The following ELAVL3 variants were observed in gnomAD, a reference collection of about 807,000 sequenced individuals.
The protein encoded by ELAVL3 is ELAV-like protein 3.
A neutral mutation model predicts 34.2 loss-of-function variants in ELAVL3; 8 were observed. The ratio of observed to expected loss-of-function variants is 0.23; its 90% CI spans 0.14 to 0.42. The LOEUF (loss-of-function observed/expected upper bound fraction) is 0.42, where lower values mean the gene tolerates loss of function less well. Ranked by LOEUF, ELAVL3 falls within the 10% of genes least tolerant of loss-of-function variation. The pLI, the probability that ELAVL3 is intolerant of heterozygous loss-of-function variation, is 1.00. For synonymous variants in ELAVL3, 209 were observed against 222.1 expected (o/e 0.94, Z 0.53); for missense variants, 273 against 518.8 (o/e 0.53, Z 4.60).
rs754879241 is a variant in ELAVL3 at position 11,453,192 on chromosome 19, T to TGGG, written c.*1331_*1333dup. 5.6e-5 allele frequency: 5 copies of TGGG among 89,934 alleles called. No homozygotes were observed. The highest frequency in any genetic ancestry group is 2.1e-4 in the Admixed American group (2 of 9,486). The allele number at this position is 89,934 out of a possible 1,614,324, so 5.6% of individuals were successfully genotyped here. A position where few individuals can be genotyped will look rare whatever the true frequency, so the allele number is the denominator to read the frequency against. Reference sequence around the variant, plus strand: ...GGGTGTCCTTTGGCCTCAAGTGTTGTGGGGGGGGGGGCTGCCTCCAGCCCA... The same window carrying TGGG: ...GGGTGTCCTTTGGCCTCAAGTGTTGTGGGGGGGGGGGGGGCTGCCTCCAGCCCA... On this transcript the variant is annotated 3_prime_UTR_variant, in exon 7 of 7. Transcript: ENST00000359227.
chr19:11,469,548 G>A (rs896951740), intron 1 of ELAVL3, among the ~76,000 whole-genome samples: 1 of 152,058 alleles, frequency 6.6e-6, no homozygotes. Flanking sequence ...CCAAAGTGCT[G>A]GGATTACAGG....
At chr19:11,465,214 A>ACACACCACACACATACACACCG (rs1401821989) in intron 3 of ELAVL3, among the ~76,000 whole-genome samples, 1 of 137,590 alleles carries the variant, frequency 7.3e-6, no homozygotes, top group South Asian at 2.4e-4. Context: ...ACACATACAC[A>ACACACCACACACATACACACCG]CACACCACAC....
chr19:11,476,095 C>T (rs1971257627), intron 1 of ELAVL3, among the ~76,000 whole-genome samples: 1 of 152,198 alleles, frequency 6.6e-6, no homozygotes, highest in Admixed American at 6.5e-5. Context: ...CAGTAACATG[C>T]ACTGCACAGC....
Position 11,480,721 on chromosome 19 carries a change from G to A in ELAVL3, c.-113C>T, listed in dbSNP as rs116628351. 3.7e-6 allele frequency: 4 copies of A among 1,067,206 alleles called. No individual in the cohort carries two copies. The highest frequency in any genetic ancestry group is 3.2e-5 in the Admixed American group (1 of 31,104). The allele number at this position is 1,067,206 out of a possible 1,614,324, so 66.1% of individuals were successfully genotyped here. ...GTCCCGCCCGGGCGGCCTCTGGTGC[G>A]GCCGCTGCAGATGTGGCGATGAAGG... On this transcript the variant is annotated 5_prime_UTR_variant, in exon 1 of 7. Transcript: ENST00000359227. This position sits in a 1 kb window ranked among gnomAD's most constrained non-coding sequence, Gnocchi z 6.8.
rs768578982 is a variant in ELAVL3 at position 11,466,144 on chromosome 19, A to G, written c.333+28T>C. The stretch of plus-strand genomic sequence containing the variant: ...GGACAGTCAGTTGGGGTGGGCGGTC[A>G]TGGGGGATTGGAGAAGGAGGCACCA... On this transcript the variant is annotated intron_variant, in intron 3 of 6. Transcript: ENST00000359227. This position sits in a 1 kb window ranked among gnomAD's most constrained non-coding sequence, Gnocchi z 5.0. 6.8e-6 allele frequency: 11 copies of G among 1,605,938 alleles called. No individual in the cohort carries two copies. The highest frequency in any genetic ancestry group is 2.2e-5 in the East Asian group (1 of 44,840).
chr19:11,470,977 C>G (rs997668909), intron 1 of ELAVL3, among the ~76,000 whole-genome samples: 5 of 152,274 alleles, frequency 3.3e-5, no homozygotes, highest in African/African-American at 1.2e-4. Context: ...TCCCAAGTAG[C>G]TAGGACTACA....
In ELAVL3 at chr19:11,452,355, C is replaced by T. The variant is rs1233473203; in HGVS notation, c.*2171G>A. On this transcript the variant is annotated 3_prime_UTR_variant, in exon 7 of 7. Coordinates refer to ENST00000359227, the MANE Select transcript of ELAVL3 (RefSeq NM_001420.4). ...AACCGGATGAAGTAACAGAAATATA[C>T]ACGGATGTCCTTACAGGGCAACGAG... 1 of 152,174 alleles carries T rather than the reference C, an allele frequency of 6.6e-6. No homozygotes were observed. Among genetic ancestry groups the T allele is most frequent in the Admixed American group, 6.5e-5 (1 of 15,270 alleles). The allele number at this position is 152,174 out of a possible 1,614,324, so 9.4% of individuals were successfully genotyped here. A position where few individuals can be genotyped will look rare whatever the true frequency, so the allele number is the denominator to read the frequency against.
Position 11,478,098 on chromosome 19 carries a change from T to TA in ELAVL3, c.9+2501dup, listed in dbSNP as rs528335309. ...TTTCTCAGATGGGGACACTGAGGGTTAGTCACAGGGACCTATGACTTGTCC... is the reference window on the plus strand; with the variant it reads ...TTTCTCAGATGGGGACACTGAGGGTTAAGTCACAGGGACCTATGACTTGTCC... On this transcript the variant is annotated intron_variant, in intron 1 of 6. Transcript: ENST00000359227. 7.7e-4 allele frequency among the ~76,000 whole-genome samples: 117 copies of TA among 152,282 alleles called. 1 individual carries two copies. The highest frequency in any genetic ancestry group is 6.6e-3 in the South Asian group (32 of 4,826).
chr19:11,475,612 C>CTTTTTTTTTTTTTT (rs35672237), intron 1 of ELAVL3, among the ~76,000 whole-genome samples: 1 of 133,768 alleles, frequency 7.5e-6, no homozygotes. Flanking sequence ...TCACCATCTA[C>CTTTTTTTTTTTTTT]TTTTTTTTTT....
intron 1 of ELAVL3, among the ~76,000 whole-genome samples, chr19:11,479,479 G>A (rs1971327741): frequency 6.6e-6 from 1 of 152,136 alleles, no homozygotes; most frequent in South Asian, 2.1e-4. Flanking sequence ...GGGAGGCCCA[G>A]GCGCCGGGAC....
chr19:11,462,961 CA>C (rs1169791063), intron 3 of ELAVL3, among the ~76,000 whole-genome samples: 6,539 of 73,004 alleles, frequency 0.09, 319 homozygotes, highest in African/African-American at 0.21. Flanking sequence ...GACTCCGTCT[CA>C]AAAAAAAAAA....
intron 3 of ELAVL3, among the ~76,000 whole-genome samples, chr19:11,464,547 T>G (rs191190728): frequency 3.0e-4 from 45 of 150,710 alleles, no homozygotes; most frequent in Non-Finnish European, 5.9e-4. Flanking sequence ...TCATAAACAC[T>G]GTATCTCACA....
chr19:11,457,910 T>G, intron 5 of ELAVL3, 151 bp downstream of exon 5: 1 of 747,742 alleles, frequency 1.3e-6, no homozygotes, highest in Non-Finnish European at 2.2e-6. Flanking sequence ...TGTATATGAG[T>G]GGCTGGCCTT....
intron 3 of ELAVL3, among the ~76,000 whole-genome samples, chr19:11,460,019 C>A (rs1339305165): frequency 2.6e-5 from 4 of 152,074 alleles, no homozygotes; most frequent in African/African-American, 9.7e-5. Context: ...CCCCTGGTGG[C>A]AACTGCATCC....
At chr19:11,475,611 A>G (rs538642128) in intron 1 of ELAVL3, among the ~76,000 whole-genome samples, 8 of 140,048 alleles carry the variant, frequency 5.7e-5, no homozygotes, top group Admixed American at 5.7e-4. Flanking sequence ...GTCACCATCT[A>G]CTTTTTTTTT....
chr19:11,451,490 TTG>T lies in ELAVL3; in HGVS notation c.*3034_*3035del, dbSNP rs1970627986. 1 of 147,466 alleles carries T rather than the reference TTG, an allele frequency of 6.8e-6. No individual in the cohort carries two copies. Among genetic ancestry groups the T allele is most frequent in the Non-Finnish European group, 1.5e-5 (1 of 66,806 alleles). The allele number at this position is 147,466 out of a possible 1,614,324, so 9.1% of individuals were successfully genotyped here. On this transcript the variant is annotated 3_prime_UTR_variant, in exon 7 of 7. Coordinates refer to ENST00000359227, the MANE Select transcript of ELAVL3 (RefSeq NM_001420.4). ...TTTTTTTTTTTTTTTGTCTTTTGTTTTGTCTTTTTTTTTTTTTTTTTTTTTAC... is the reference window on the plus strand; with the variant it reads ...TTTTTTTTTTTTTTTGTCTTTTGTTTTCTTTTTTTTTTTTTTTTTTTTTAC...
Position 11,480,942 on chromosome 19 carries a change from G to A in ELAVL3, c.-334C>T. ...CAGAGATCGCGGCGCTCTGCCTTTCGCCGCCGCCCCTCGGTCGGTCCTGTC... is the reference window on the plus strand; with the variant it reads ...CAGAGATCGCGGCGCTCTGCCTTTCACCGCCGCCCCTCGGTCGGTCCTGTC... On this transcript the variant is annotated 5_prime_UTR_variant, in exon 1 of 7. Transcript: ENST00000359227. The surrounding 1 kb of genome is among the most constrained non-coding windows in gnomAD (Gnocchi z 6.8). 7.3e-6 allele frequency: 2 copies of A among 273,882 alleles called. No individual in the cohort carries two copies. The highest frequency in any genetic ancestry group is 1.4e-5 in the Non-Finnish European group (2 of 145,754). The allele number at this position is 273,882 out of a possible 1,614,324, so 17.0% of individuals were successfully genotyped here.
chr19:11,470,298 T>G (rs1599546381), intron 1 of ELAVL3, among the ~76,000 whole-genome samples: 1 of 152,192 alleles, frequency 6.6e-6, no homozygotes, highest in East Asian at 1.9e-4. Flanking sequence ...GAGGCTGCAG[T>G]GAGCTGAGCT....
intron 1 of ELAVL3, among the ~76,000 whole-genome samples, chr19:11,472,510 G>A (rs1971183668): frequency 1.3e-5 from 2 of 152,070 alleles, no homozygotes; most frequent in South Asian, 4.1e-4. Context: ...AGCCCAGCCT[G>A]GGCAACACAG....
Sources: gnomAD v4.1 joint callset for allele counts (sites outside exome capture counted in the v4.1 genomes callset) on GRCh38, gnomAD v4.1.1 for gene constraint, Gnocchi (gnomAD v3.1) non-coding constraint, MANE v1.5 for transcripts, NCBI Gene and HGNC (gene_info 2026-07-23, HGNC 2026-07-21) for gene names.